Variants in GALNT2 observed in about 807,000 individuals in gnomAD.
GALNT2 encodes polypeptide N-acetylgalactosaminyltransferase 2.
In GALNT2, 31 loss-of-function variants were observed where a neutral mutation model predicts 81.4. The observed-to-expected ratio is 0.38, with a 90% confidence interval of 0.29 to 0.51. The LOEUF (loss-of-function observed/expected upper bound fraction) is 0.51. Among genes scored for constraint, GALNT2 ranks in the 20% least tolerant of loss-of-function variants. The pLI is 0.87. For missense variants in GALNT2, 629 were observed against 765.7 expected (o/e 0.82, Z 2.11); for synonymous variants, 303 against 287.4 (o/e 1.05, Z -0.55).
chr1:230,085,338 G>A (rs1659867205), intron 1 of GALNT2, among the ~76,000 whole-genome samples: 1 of 152,158 alleles, frequency 6.6e-6, no homozygotes, highest in Non-Finnish European at 1.5e-5. Flanking sequence ...CCCCTATCCT[G>A]TCCCGTGGAA....
chr1:230,250,276 G>A (rs559755979), intron 9 of GALNT2, among the ~76,000 whole-genome samples, 181 bp from the exon 10 acceptor site: 1 of 152,376 alleles, frequency 6.6e-6, no homozygotes, highest in East Asian at 1.9e-4. Flanking sequence ...TTTGAAGGCA[G>A]CAGTGGTGAA....
At chr1:230,138,543 AATG>A (rs1661627649) in intron 1 of GALNT2, among the ~76,000 whole-genome samples, 1 of 151,768 alleles carries the variant, frequency 6.6e-6, no homozygotes, top group Non-Finnish European at 1.5e-5. Flanking sequence ...AAAAAAAAAA[AATG>A]AAACAGAAGA....
chr1:230,272,378 G>A (rs1666180395), intron 14 of GALNT2, among the ~76,000 whole-genome samples: 1 of 152,194 alleles, frequency 6.6e-6, no homozygotes, highest in Admixed American at 6.5e-5. Flanking sequence ...AGGCCAAGCA[G>A]GTGCTTCTAC....
At chr1:230,176,455 G>A (rs1380378533) in intron 1 of GALNT2, among the ~76,000 whole-genome samples, 1 of 152,148 alleles carries the variant, frequency 6.6e-6, no homozygotes, top group Non-Finnish European at 1.5e-5. Context: ...CCATTAGCTG[G>A]TGTACATAGA....
chr1:230,073,101 A>G (rs1659426369), intron 1 of GALNT2, among the ~76,000 whole-genome samples: 1 of 152,184 alleles, frequency 6.6e-6, no homozygotes, highest in African/African-American at 2.4e-5. Flanking sequence ...ACCCCCCTGA[A>G]TGGGTCTGGG....
chr1:230,188,311 C>A (rs1410685697), intron 2 of GALNT2, among the ~76,000 whole-genome samples: 1 of 152,152 alleles, frequency 6.6e-6, no homozygotes, highest in Non-Finnish European at 1.5e-5. Flanking sequence ...GGGGAAGAAT[C>A]TGGAATTTGT....
intron 1 of GALNT2, among the ~76,000 whole-genome samples, chr1:230,078,792 G>A (rs1659641541): frequency 6.6e-6 from 1 of 152,134 alleles, no homozygotes; most frequent in South Asian, 2.1e-4. Context: ...CACTGTAGAT[G>A]TTTTATTTTA....
At chr1:230,073,539 AAGC>A (rs1659438704) in intron 1 of GALNT2, among the ~76,000 whole-genome samples, 1 of 152,216 alleles carries the variant, frequency 6.6e-6, no homozygotes, top group East Asian at 1.9e-4. Context: ...TGGGCCCCAG[AAGC>A]ATGGGGTGTT....
intron 1 of GALNT2, among the ~76,000 whole-genome samples, chr1:230,094,803 T>C (rs1660196582): frequency 6.6e-6 from 1 of 152,172 alleles, no homozygotes; most frequent in South Asian, 2.1e-4. Context: ...TTGAATCTTC[T>C]TAGGTCCCTT....
intron 1 of GALNT2, among the ~76,000 whole-genome samples, chr1:230,137,845 A>G (rs548252745): frequency 6.6e-6 from 1 of 152,348 alleles, no homozygotes; most frequent in South Asian, 2.1e-4. Flanking sequence ...GAAAAGTGAA[A>G]TATATTCTCC....
upstream of GALNT2, chr1:230,067,205 G>T: frequency 1.1e-6 from 1 of 936,336 alleles, no homozygotes; most frequent in Non-Finnish European, 1.4e-6. Flanking sequence ...TCCTCCCCCG[G>T]CCCCCACCGC....
At chr1:230,157,760 A>G (rs1177649063) in intron 1 of GALNT2, among the ~76,000 whole-genome samples, 1 of 152,218 alleles carries the variant, frequency 6.6e-6, no homozygotes, top group African/African-American at 2.4e-5. Flanking sequence ...TTCTATTCAT[A>G]TGACATTCTG....
chr1:230,138,089 C>T (rs575602495), intron 1 of GALNT2, among the ~76,000 whole-genome samples: 1 of 152,282 alleles, frequency 6.6e-6, no homozygotes, highest in South Asian at 2.1e-4. Context: ...TGTCTGTGGC[C>T]TCTTCTCCTT....
At chr1:230,100,310 C>CTTTTTTTTTTT (rs573478928) in intron 1 of GALNT2, among the ~76,000 whole-genome samples, 3 of 85,782 alleles carry the variant, frequency 3.5e-5, no homozygotes, top group African/African-American at 1.0e-4. Context: ...CTTTTTATTC[C>CTTTTTTTTTTT]TTTTTTTTTT....
Position 230,280,355 on chromosome 1 carries a change from C to T in GALNT2, c.*897C>T, listed in dbSNP as rs143659762. ...CTACTGTGCGTCAGAATCCACCTTG[C>T]GTGCTGTGCGTATCTGTGAACCTGG... On this transcript the variant is annotated 3_prime_UTR_variant, in exon 16 of 16. Coordinates refer to ENST00000366672, the MANE Select transcript of GALNT2 (RefSeq NM_004481.5). 4 of 257,604 alleles carry T rather than the reference C, an allele frequency of 1.6e-5. No individual in the cohort carries two copies. The highest frequency in any genetic ancestry group is 1.5e-4 in the South Asian group (3 of 19,756). 16.0% of individuals were successfully genotyped at this position (257,604 alleles called of 1,614,324 possible). A position where few individuals can be genotyped will look rare whatever the true frequency, so the allele number is the denominator to read the frequency against.
At chr1:230,174,907 G>A (rs1174273787) in intron 1 of GALNT2, among the ~76,000 whole-genome samples, 3 of 152,050 alleles carry the variant, frequency 2.0e-5, no homozygotes, top group African/African-American at 4.8e-5. Flanking sequence ...CCTCCCTTAG[G>A]TCTCCACCGA....
intron 2 of GALNT2, among the ~76,000 whole-genome samples, chr1:230,195,408 G>A (rs73114022): frequency 0.23 from 35,153 of 152,076 alleles, 4,637 homozygotes; most frequent in African/African-American, 0.36. Flanking sequence ...AGAGCTCTGC[G>A]TGAGGGGGCA....
chr1:230,109,167 T>C (rs1660628586), intron 1 of GALNT2, among the ~76,000 whole-genome samples: 1 of 152,256 alleles, frequency 6.6e-6, no homozygotes, highest in African/African-American at 2.4e-5. Context: ...CTCTGCCCTC[T>C]GATGGGGGTC....
At chr1:230,261,843 C>A (rs1266025191) in intron 11 of GALNT2, 2 of 152,170 alleles carry the variant, frequency 1.3e-5, no homozygotes, top group Admixed American at 1.3e-4. Context: ...ACCGTCTCTA[C>A]TAAAATTACA....
Sources: allele counts gnomAD v4.1 joint callset (sites outside exome capture counted in the v4.1 genomes callset), GRCh38; gene constraint gnomAD v4.1.1; transcripts MANE v1.5; gene names NCBI Gene and HGNC (gene_info 2026-07-23, HGNC 2026-07-21).